ZBP1: variants seen among roughly 807,000 people sequenced by gnomAD.
ZBP1 encodes Z-DNA binding protein 1, also known as Z-DNA-binding protein 1.
Under a neutral mutation model 41.1 loss-of-function variants are expected in ZBP1, and 42 were observed. The ratio of observed to expected loss-of-function variants is 1.02; its 90% CI spans 0.80 to 1.32. The LOEUF is 1.32. Among genes scored for constraint, ZBP1 ranks in the 40% most tolerant of loss-of-function variants. ZBP1 has a pLI of 0.00. For synonymous variants in ZBP1, 214 were observed against 205.2 expected (o/e 1.04, Z -0.37); for missense variants, 562 against 549.7 (o/e 1.02, Z -0.22).
At chr20:57,616,710 G>C (rs2070844698) in intron 1 of ZBP1, 4 of 528,890 alleles carry the variant, frequency 7.6e-6, no homozygotes, top group Middle Eastern at 5.3e-4. Flanking sequence ...GCCAGGGGAG[G>C]TGCCACCTCG....
chr20:57,607,903 ATATAACTTG>A (rs1188163890), intron 7 of ZBP1, among the ~76,000 whole-genome samples: 2 of 152,210 alleles, frequency 1.3e-5, no homozygotes, highest in African/African-American at 2.4e-5. Context: ...CATCGTGTGA[ATATAACTTG>A]TATATGCACT....
chr20:57,609,840 C>T (rs2070602964), intron 7 of ZBP1, among the ~76,000 whole-genome samples: 1 of 152,142 alleles, frequency 6.6e-6, no homozygotes, highest in African/African-American at 2.4e-5. Context: ...TAGGGCTGAG[C>T]TTCGCCTTCA....
In ZBP1 at chr20:57,610,324, T is replaced by G. The variant is rs1256783320; in HGVS notation, c.918A>C (p.Arg306Ser). The G allele has an allele frequency of 6.2e-7, 1 of 1,614,098 alleles. No homozygotes were observed. The highest frequency in any genetic ancestry group is 8.5e-7 in the Non-Finnish European group (1 of 1,180,004). The stretch of plus-strand genomic sequence containing the variant: ...CAGGGTGAGTTCCTGGACTGGGAAT[T>G]CTTGCTTCAAACGAAGCTTCTGGGC... ...AAGPEASFEA[R>S]IPSPGTHPEG... The change falls in exon 7 of 8, where the codon AGA (arginine) becomes AGC (serine). Residue 306 changes from arginine (R) to serine (S), a missense_variant. Arg to Ser is a moderately radical substitution (Grantham distance 110). Transcript: ENST00000371173. This position sits in a 1 kb window ranked among gnomAD's most constrained non-coding sequence, Gnocchi z 5.5.
chr20:57,611,238 G>A (rs2070659303), intron 6 of ZBP1, among the ~76,000 whole-genome samples: 1 of 151,954 alleles, frequency 6.6e-6, no homozygotes, highest in Non-Finnish European at 1.5e-5. Flanking sequence ...CAGAGTGCTA[G>A]CTTTATTTTA....
chr20:57,609,414 C>A (rs2070587357), intron 7 of ZBP1, among the ~76,000 whole-genome samples: 1 of 152,178 alleles, frequency 6.6e-6, no homozygotes, highest in Admixed American at 6.5e-5. Context: ...TGGGCTTAGA[C>A]TGCCTTGACA....
intron 1 of ZBP1, 69 bp from the exon 2 acceptor site, chr20:57,616,537 G>A: frequency 6.5e-7 from 1 of 1,539,736 alleles, no homozygotes; most frequent in Non-Finnish European, 8.9e-7. Flanking sequence ...AGCCCAGGCT[G>A]GAGGCTCCAG....
rs112839588 is a variant in ZBP1 at position 57,616,640 on chromosome 20, A to G, written c.35-172T>C. 4.0e-3 allele frequency: 2,629 copies of G among 651,120 alleles called. 40 individuals carry two copies. Among genetic ancestry groups the G allele is most frequent in the African/African-American group, 0.04 (2,210 of 54,914 alleles). The allele number at this position is 651,120 out of a possible 1,614,324, so 40.3% of individuals were successfully genotyped here. ...CCCCTAAGAGCAGTAGGGCAGCTGCATCTGCCCAGAGGGAGGCATGCAGGC... is the reference window on the plus strand; with the variant it reads ...CCCCTAAGAGCAGTAGGGCAGCTGCGTCTGCCCAGAGGGAGGCATGCAGGC... On this transcript the variant is annotated intron_variant, in intron 1 of 7. Transcript: ENST00000371173.
In ZBP1 at chr20:57,612,472, C is replaced by A. The variant is rs141596984; in HGVS notation, c.671-542G>T. ...AGATTAAAGCTAGGGAAACCATGAT[C>A]TAGATTCTAGAACAAGGTTCCTCAT... On this transcript the variant is annotated intron_variant, in intron 5 of 7. Coordinates refer to ENST00000371173, the MANE Select transcript of ZBP1 (RefSeq NM_030776.3). 3.6e-4 allele frequency among the ~76,000 whole-genome samples: 55 copies of A among 152,326 alleles called. No homozygotes were observed. In the East Asian group the frequency reaches 0.01, roughly 28 times the overall value.
chr20:57,615,391 C>T (rs1394734476), intron 3 of ZBP1, 121 bp downstream of exon 3: 2 of 1,062,536 alleles, frequency 1.9e-6, no homozygotes, highest in African/African-American at 3.2e-5. Context: ...ATGGGAGCTG[C>T]CTGGTGGGTG....
At chr20:57,620,156 A>C in intron 1 of ZBP1, 106 bp downstream of exon 1, 2 of 1,347,870 alleles carry the variant, frequency 1.5e-6, no homozygotes, top group Non-Finnish European at 2.1e-6. Flanking sequence ...TCTTTAGGAT[A>C]CTGCTATTGT....
chr20:57,616,407 G>A lies in ZBP1; in HGVS notation c.96C>T (p.Ala32=), dbSNP rs989596489. The change falls in exon 2 of 8, where the codon GCC becomes GCT. Residue 32 remains alanine (A), a synonymous_variant. Transcript: ENST00000371173. ...GTGCTTGGCATTCCTTCACCAGCTG[G>A]GCAAGTTTCACCGGGGAGCCAGCCT... ...LTEAGSPVKL[A]QLVKECQAPK... The A allele has an allele frequency of 1.9e-6, 3 of 1,613,996 alleles. No individual in the cohort carries two copies. Among genetic ancestry groups the A allele is most frequent in the East Asian group, 2.2e-5 (1 of 44,896 alleles).
At chr20:57,607,697 C>G (rs985523927) in intron 7 of ZBP1, among the ~76,000 whole-genome samples, 6 of 152,172 alleles carry the variant, frequency 3.9e-5, no homozygotes, top group African/African-American at 1.2e-4. Flanking sequence ...CCACAGCTGC[C>G]TCCACCTTCA....
Position 57,610,539 on chromosome 20 carries a change from T to C in ZBP1, c.875-172A>G. ...ACACCTCCACCCGCCACACCTCCGC[T>C]CGTGCTGTTGTGCTGTCTGGGAAGC... On this transcript the variant is annotated intron_variant, in intron 6 of 7. Coordinates refer to ENST00000371173, the MANE Select transcript of ZBP1 (RefSeq NM_030776.3). The surrounding 1 kb of genome is among the most constrained non-coding windows in gnomAD (Gnocchi z 5.5). 4 of 636,910 alleles carry C rather than the reference T, an allele frequency of 6.3e-6. No homozygotes were observed. The highest frequency in any genetic ancestry group is 1.1e-5 in the Non-Finnish European group (4 of 365,254). The allele number at this position is 636,910 out of a possible 1,614,324, so 39.5% of individuals were successfully genotyped here.
intron 5 of ZBP1, chr20:57,612,890 C>A: frequency 7.5e-7 from 1 of 1,330,532 alleles, no homozygotes. Context: ...GATACCCCAT[C>A]TTAATTTTAA....
At chr20:57,612,906 T>C in intron 5 of ZBP1, 2 of 1,340,638 alleles carry the variant, frequency 1.5e-6, no homozygotes, top group Non-Finnish European at 1.9e-6. Flanking sequence ...TTTAAAATTT[T>C]ATTAGAAAAA....
rs80050451 is a variant in ZBP1, at chr20:57,604,355, C to T, written c.*218G>A. 1 of 685,868 alleles carries T rather than the reference C, an allele frequency of 1.5e-6. No homozygotes were observed. The highest frequency in any genetic ancestry group is 2.6e-6 in the Non-Finnish European group (1 of 378,560). The allele number at this position is 685,868 out of a possible 1,614,324, so 42.5% of individuals were successfully genotyped here. On this transcript the variant is annotated 3_prime_UTR_variant, in exon 8 of 8. Coordinates refer to ENST00000371173, the MANE Select transcript of ZBP1 (RefSeq NM_030776.3). ...ACCTCCTCTTGGCACACCAAAGGTTCCCCAAGGCAACTCCCTGTCATCTAC... is the reference window on the plus strand; with the variant it reads ...ACCTCCTCTTGGCACACCAAAGGTTTCCCAAGGCAACTCCCTGTCATCTAC...
In ZBP1 at chr20:57,610,175, C is replaced by T; in HGVS notation, c.1067G>A (p.Gly356Glu). 6.2e-7 allele frequency: 1 copy of T among 1,614,088 alleles called. No homozygotes were observed. Among genetic ancestry groups the T allele is most frequent in the Non-Finnish European group, 8.5e-7 (1 of 1,180,026 alleles). Residue 356 changes from glycine to glutamate, a missense_variant, in exon 7 of 8, where the codon GGA becomes GAA. Gly to Glu is a moderately conservative substitution (Grantham distance 98, BLOSUM62 -2). Coordinates refer to ENST00000371173, the MANE Select transcript of ZBP1 (RefSeq NM_030776.3). The surrounding 1 kb of genome is among the most constrained non-coding windows in gnomAD (Gnocchi z 5.5). The part of the protein sequence containing the change: ...VAGPGGVAGS[G>E]EGEPGEDAGR... ...TGCGTCCTCCCCTGGCTCCCCCTCT[C>T]CAGACCCTGCGACTCCTCCTGGGCC...
Position 57,613,278 on chromosome 20 carries a change from T to G in ZBP1, c.555A>C (p.Pro185=), listed in dbSNP as rs1310239091. Residue 185 remains proline, a synonymous_variant, in exon 5 of 8, where the codon CCA becomes CCC. Coordinates refer to ENST00000371173, the MANE Select transcript of ZBP1 (RefSeq NM_030776.3). The surrounding 1 kb of genome is among the most constrained non-coding windows in gnomAD (Gnocchi z 4.5). ...GTCCATTCTGGCAGATCATGTTGAT[T>G]GGATTGTGCTGGTAAATAATTGAGG... ...KSASIIYQHN[P]INMICQNGPN... 1 of 1,614,248 alleles carries G rather than the reference T, an allele frequency of 6.2e-7. No individual in the cohort carries two copies. Among genetic ancestry groups the G allele is most frequent in the African/African-American group, 1.3e-5 (1 of 75,070 alleles).
intron 6 of ZBP1, 116 bp downstream of exon 6, chr20:57,611,611 G>A: frequency 8.3e-7 from 1 of 1,198,580 alleles, no homozygotes; most frequent in Non-Finnish European, 1.2e-6. Flanking sequence ...GCTGCCTGGT[G>A]GAAGGAAAGG....
Sources: allele counts gnomAD v4.1 joint callset (sites outside exome capture counted in the v4.1 genomes callset), GRCh38; gene constraint gnomAD v4.1.1; non-coding constraint Gnocchi (gnomAD v3.1); transcripts MANE v1.5; gene names NCBI Gene and HGNC (gene_info 2026-07-23, HGNC 2026-07-21).